TMEFF1: variants seen among roughly 807,000 people sequenced by gnomAD.
TMEFF1 encodes transmembrane protein with EGF like and two follistatin like domains 1.
In TMEFF1, 20 loss-of-function variants were observed where a neutral mutation model predicts 47.5. The ratio of observed to expected loss-of-function variants is 0.42; its 90% confidence interval spans 0.30 to 0.61. The LOEUF (loss-of-function observed/expected upper bound fraction) is 0.61. Among genes scored for constraint, TMEFF1 ranks in the 20% least tolerant of loss-of-function variants. TMEFF1 has a pLI of 0.19. For synonymous variants in TMEFF1, 162 were observed against 166.3 expected, an observed-to-expected ratio of 0.97 and a Z score of 0.20; for missense variants, 411 against 471.1, an observed-to-expected ratio of 0.87 and a Z score of 1.18.
At chr9:100,576,091 T>A (rs1839347611) in intron 9 of TMEFF1, among the ~76,000 whole-genome samples, 1 of 152,184 alleles carries the variant, frequency 6.6e-6, no homozygotes, top group African/African-American at 2.4e-5. Context: ...AAGCTCTTCT[T>A]GTCATTTTAG....
intron 5 of TMEFF1, among the ~76,000 whole-genome samples, chr9:100,543,748 A>ACACACACACAC (rs1411220308): frequency 8.2e-6 from 1 of 122,358 alleles, no homozygotes; most frequent in Non-Finnish European, 1.8e-5. Flanking sequence ...CACACACACA[A>ACACACACACAC]ATCTCATAAT....
At chr9:100,501,420 CAT>C (rs1786933772) in intron 2 of TMEFF1, among the ~76,000 whole-genome samples, 1 of 151,856 alleles carries the variant, frequency 6.6e-6, no homozygotes, top group Admixed American at 6.6e-5. Context: ...TATTTGTTAC[CAT>C]TTTTTTTTGT....
chr9:100,505,344 G>A (rs1276569322), intron 2 of TMEFF1, among the ~76,000 whole-genome samples: 1 of 147,084 alleles, frequency 6.8e-6, no homozygotes, highest in Non-Finnish European at 1.5e-5. Flanking sequence ...CCTGGGAGGC[G>A]GAGATAGCAG....
At chr9:100,573,310 TTAC>T (rs1445042189) in intron 9 of TMEFF1, among the ~76,000 whole-genome samples, 11 of 152,206 alleles carry the variant, frequency 7.2e-5, no homozygotes, top group African/African-American at 2.7e-4. Context: ...GGTGTTAACA[TTAC>T]TTCATTTTCA....
chr9:100,490,836 G>GGTT (rs1554682717), intron 1 of TMEFF1, among the ~76,000 whole-genome samples: 13 of 136,168 alleles, frequency 9.5e-5, no homozygotes, highest in African/African-American at 3.6e-4. Context: ...TTATATGTAT[G>GGTT]GTGTGTGTGT....
At chr9:100,490,836 GGTGTGTGT>G (rs10654628) in intron 1 of TMEFF1, among the ~76,000 whole-genome samples, 93 of 136,164 alleles carry the variant, frequency 6.8e-4, no homozygotes, top group African/African-American at 1.7e-3. Context: ...TTATATGTAT[GGTGTGTGT>G]GTGTGTGTGT....
chr9:100,532,836 C>G (rs2118457676), intron 5 of TMEFF1, among the ~76,000 whole-genome samples: 1 of 152,152 alleles, frequency 6.6e-6, no homozygotes, highest in South Asian at 2.1e-4. Flanking sequence ...TTGGAACCAA[C>G]CCAAATGTCC....
intron 8 of TMEFF1, among the ~76,000 whole-genome samples, chr9:100,569,153 C>CA (rs1839180307): frequency 6.6e-6 from 1 of 152,138 alleles, no homozygotes; most frequent in African/African-American, 2.4e-5. Context: ...GCTGCCAGAC[C>CA]GTTTTCCAAA....
Position 100,516,680 on chromosome 9 carries a change from G to A in TMEFF1, c.469G>A (p.Glu157Lys). Residue 157 changes from glutamate to lysine, a missense_variant, in exon 5 of 10, where the codon GAA becomes AAA. Glu to Lys is a moderately conservative substitution (Grantham distance 56). Transcript: ENST00000374879. ...TGATTTTTCTTTTTAAACAGAAGAG[G>A]AAGGGTCAGGGGCAGAAGTTCACAG... ...NGSGSGEGEE[E>K]GSGAEVHRKH... 1 of 1,612,006 alleles carries A rather than the reference G, an allele frequency of 6.2e-7. No individual in the cohort carries two copies. Among genetic ancestry groups the A allele is most frequent in the South Asian group, 1.1e-5 (1 of 90,506 alleles).
At chr9:100,495,712 A>G (rs1837638878) in intron 1 of TMEFF1, among the ~76,000 whole-genome samples, 2 of 152,210 alleles carry the variant, frequency 1.3e-5, no homozygotes, top group Admixed American at 6.5e-5. Flanking sequence ...ATAAAATATG[A>G]CTAATAACCA....
In TMEFF1 at chr9:100,529,535, G is replaced by C. The variant is rs1484230391; in HGVS notation, c.560+12764G>C. 1.1e-4 allele frequency among the ~76,000 whole-genome samples: 17 copies of C among 151,002 alleles called. No individual in the cohort carries two copies. In the East Asian group the frequency reaches 3.3e-3, roughly 29 times the overall value. ...GGTAAAGGGATCAATTCAACAAGAA[G>C]AGCTAACTATCCTAAATATATATGC... On this transcript the variant is annotated intron_variant, in intron 5 of 9. Transcript: ENST00000374879.
chr9:100,564,591 C>T (rs1839087046), intron 8 of TMEFF1, among the ~76,000 whole-genome samples: 1 of 152,098 alleles, frequency 6.6e-6, no homozygotes, highest in African/African-American at 2.4e-5. Flanking sequence ...TCAGAAAAGG[C>T]ACATCAGCCT....
intron 8 of TMEFF1, among the ~76,000 whole-genome samples, chr9:100,567,600 G>A (rs1434255979): frequency 6.6e-6 from 1 of 152,144 alleles, no homozygotes; most frequent in African/African-American, 2.4e-5. Context: ...TGTGGTAAAT[G>A]GATGTGTGAA....
chr9:100,516,031 TA>T (rs202017684), intron 4 of TMEFF1, among the ~76,000 whole-genome samples: 77 of 151,880 alleles, frequency 5.1e-4, no homozygotes, highest in African/African-American at 1.6e-3. Flanking sequence ...TTAGTGTTTT[TA>T]TTTTTTTCTT....
chr9:100,495,839 G>A (rs2118305319), intron 1 of TMEFF1, among the ~76,000 whole-genome samples: 1 of 152,290 alleles, frequency 6.6e-6, no homozygotes, highest in Admixed American at 6.5e-5. Context: ...TGTGTTTGAT[G>A]TGTGCCCACT....
chr9:100,542,430 C>A (rs1471993230), intron 5 of TMEFF1, among the ~76,000 whole-genome samples: 1 of 152,118 alleles, frequency 6.6e-6, no homozygotes, highest in Non-Finnish European at 1.5e-5. Flanking sequence ...TTTTCTATTG[C>A]CTTTAGAATT....
intron 8 of TMEFF1, among the ~76,000 whole-genome samples, chr9:100,564,011 C>T (rs1249658771): frequency 2.0e-5 from 3 of 152,164 alleles, no homozygotes; most frequent in Non-Finnish European, 2.9e-5. Context: ...CAAGGATAAA[C>T]AGCCTTTAGC....
At chr9:100,535,729 A>G (rs908594295) in intron 5 of TMEFF1, among the ~76,000 whole-genome samples, 1 of 152,250 alleles carries the variant, frequency 6.6e-6, no homozygotes, top group African/African-American at 2.4e-5. Context: ...GTGCCACTGC[A>G]CTCCAGCCTG....
intron 1 of TMEFF1, among the ~76,000 whole-genome samples, chr9:100,491,993 C>A (rs1191959758): frequency 6.6e-6 from 1 of 151,250 alleles, no homozygotes; most frequent in East Asian, 2.0e-4. Flanking sequence ...TCAAGCAATT[C>A]TCCTGCCTCA....
Sources: allele counts gnomAD v4.1 joint callset (sites outside exome capture counted in the v4.1 genomes callset), GRCh38; gene constraint gnomAD v4.1.1; transcripts MANE v1.5; gene names NCBI Gene and HGNC (gene_info 2026-07-23, HGNC 2026-07-21).